Variants in PTCD2 observed in about 807,000 individuals in gnomAD.
PTCD2 encodes the protein pentatricopeptide repeat domain 2.
A neutral mutation model predicts 42.6 loss-of-function variants in PTCD2; 31 were observed. That is an observed-to-expected ratio of 0.73 (90% CI 0.55 to 0.98). PTCD2 has a LOEUF of 0.98. Ranked by LOEUF, PTCD2 falls within the 50% of genes least tolerant of loss-of-function variation. PTCD2 has a pLI of 0.00. For missense variants in PTCD2, 476 were observed against 454.8 expected, an observed-to-expected ratio of 1.05 and a Z score of -0.42; for synonymous variants, 183 against 170.9, an observed-to-expected ratio of 1.07 and a Z score of -0.55.
chr5:72,320,669 A>G, intron 1 of PTCD2, 160 bp downstream of exon 1: 2 of 954,926 alleles, frequency 2.1e-6, no homozygotes, highest in Non-Finnish European at 3.1e-6. Flanking sequence ...AGTGGTGACC[A>G]CTGGGGGTCG....
rs913081680 is a variant in PTCD2, at chr5:72,324,334, G to T, written c.220+2070G>T. Among the ~76,000 whole-genome samples the T allele has an allele frequency of 8.5e-5, 13 of 152,144 alleles. No individual in the cohort carries two copies. The East Asian group carries it at 2.1e-3, about 25-fold the overall frequency. On this transcript the variant is annotated intron_variant, in intron 2 of 9. Coordinates refer to ENST00000380639, the MANE Select transcript of PTCD2 (RefSeq NM_024754.5). ...TTTCATCATTTTGAGAGCCCACAGT[G>T]GTACTCTGTTGTATACCACACTATT... is the stretch of plus-strand genomic sequence containing the variant.
chr5:72,350,001 C>T (rs1266511737), intron 8 of PTCD2, among the ~76,000 whole-genome samples: 1 of 152,098 alleles, frequency 6.6e-6, no homozygotes, highest in Non-Finnish European at 1.5e-5. Context: ...TAGCAGAGGG[C>T]TCTAGATGGT....
In PTCD2 at chr5:72,359,279, A is replaced by G. The variant is rs1174740857; in HGVS notation, c.*852A>G. On this transcript the variant is annotated 3_prime_UTR_variant, in exon 10 of 10. Transcript: ENST00000380639. ...TTCTCTCTTGAATGCCTCATATTAA[A>G]AAAAAATGTGCCATGAGAGCAGTTC... 1 of 152,194 alleles carries G rather than the reference A, an allele frequency of 6.6e-6. No individual in the cohort carries two copies. Among genetic ancestry groups the G allele is most frequent in the Non-Finnish European group, 1.5e-5 (1 of 68,034 alleles). The allele number at this position is 152,194 out of a possible 1,614,324, so 9.4% of individuals were successfully genotyped here.
At chr5:72,326,057 T>C (rs1158144738) in intron 2 of PTCD2, among the ~76,000 whole-genome samples, 1 of 152,164 alleles carries the variant, frequency 6.6e-6, no homozygotes, top group African/African-American at 2.4e-5. Context: ...TTCTAACAGC[T>C]GAGTAAAAAG....
chr5:72,331,476 A>G, intron 4 of PTCD2, 101 bp downstream of exon 4: 1 of 877,742 alleles, frequency 1.1e-6, no homozygotes, highest in South Asian at 1.4e-5. Context: ...TAGATTTTCA[A>G]AGAAAGGCTG....
intron 8 of PTCD2, among the ~76,000 whole-genome samples, chr5:72,352,130 C>G (rs932012577): frequency 1.3e-5 from 2 of 152,032 alleles, no homozygotes; most frequent in African/African-American, 2.4e-5. Context: ...TACCCGTAAA[C>G]AAGTTTTGAA....
chr5:72,350,403 G>A (rs149203152), intron 8 of PTCD2, among the ~76,000 whole-genome samples: 8 of 152,292 alleles, frequency 5.3e-5, no homozygotes, highest in African/African-American at 1.7e-4. Context: ...TGCACACATA[G>A]GAAGTTGCTT....
chr5:72,358,055 G>A (rs766649235), intron 9 of PTCD2, 148 bp from the exon 10 acceptor site: 105 of 676,808 alleles, frequency 1.6e-4, no homozygotes, highest in African/African-American at 7.4e-4. Context: ...CTGTCTCAGC[G>A]TCCAAAATTG....
chr5:72,336,925 TAGA>T (rs1296693077), intron 6 of PTCD2, among the ~76,000 whole-genome samples: 1 of 151,964 alleles, frequency 6.6e-6, no homozygotes, highest in East Asian at 1.9e-4. Context: ...TGAAGCGAAG[TAGA>T]AGAACATGGG....
Position 72,365,539 on chromosome 5 carries a change from T to A in PTCD2, c.*7112T>A, listed in dbSNP as rs1024384636. The A allele has an allele frequency of 6.6e-6, 1 of 152,242 alleles. No individual in the cohort carries two copies. Among genetic ancestry groups the A allele is most frequent in the African/African-American group, 2.4e-5 (1 of 41,458 alleles). 9.4% of individuals were successfully genotyped at this position (152,242 alleles called of 1,614,324 possible). ...CCGCAAGTGCAAGTCTCATTCCTGG[T>A]AACTAATAGTAACAGAATCTGCTGA... On this transcript the variant is annotated 3_prime_UTR_variant, in exon 10 of 10. Transcript: ENST00000380639.
At chr5:72,349,730 T>A (rs528137615) in intron 8 of PTCD2, among the ~76,000 whole-genome samples, 1 of 152,190 alleles carries the variant, frequency 6.6e-6, no homozygotes, top group African/African-American at 2.4e-5. Context: ...TCTGTAAGAT[T>A]AAGGCAATGT....
At position 72,358,528 on chromosome 5, in the gene PTCD2, A is replaced by G; in HGVS notation, c.*101A>G. On this transcript the variant is annotated 3_prime_UTR_variant, in exon 10 of 10. Coordinates refer to ENST00000380639, the MANE Select transcript of PTCD2 (RefSeq NM_024754.5). ...TCGCACTTCAGCAGACAGTGTGCTG[A>G]CACTTGGTCTTCTCCTGAAATTCCC... 1.2e-6 allele frequency: 1 copy of G among 810,630 alleles called. No individual in the cohort carries two copies. The highest frequency in any genetic ancestry group is 2.0e-6 in the Non-Finnish European group (1 of 496,060). 50.2% of individuals were successfully genotyped at this position (810,630 alleles called of 1,614,324 possible).
intron 9 of PTCD2, among the ~76,000 whole-genome samples, chr5:72,357,490 G>A (rs151223783): frequency 1.3e-5 from 2 of 152,196 alleles, no homozygotes; most frequent in Admixed American, 6.5e-5. Flanking sequence ...TTCATTCTCT[G>A]CAACTTTTTG....
In PTCD2 at chr5:72,360,002, A is replaced by G. The variant is rs1042381147; in HGVS notation, c.*1575A>G. On this transcript the variant is annotated 3_prime_UTR_variant, in exon 10 of 10. Coordinates refer to ENST00000380639, the MANE Select transcript of PTCD2 (RefSeq NM_024754.5). Reference sequence around the variant, plus strand: ...ATGAGATAGGGAATATAAAGCAAGCAGATAGTGGCTGGCACATAGTACATG... The same window carrying G: ...ATGAGATAGGGAATATAAAGCAAGCGGATAGTGGCTGGCACATAGTACATG... The G allele has an allele frequency of 2.0e-5, 3 of 152,084 alleles. No individual in the cohort carries two copies. Among genetic ancestry groups the G allele is most frequent in the Admixed American group, 1.3e-4 (2 of 15,260 alleles). The allele number at this position is 152,084 out of a possible 1,614,324, so 9.4% of individuals were successfully genotyped here. A position where few individuals can be genotyped will look rare whatever the true frequency, so the allele number is the denominator to read the frequency against.
chr5:72,365,028 GCCTCAGAGGCAGCATT>G lies in PTCD2; in HGVS notation c.*6602_*6617del. Reference sequence around the variant, plus strand: ...TTGCCCAGCTGACTTTCTTCCAAGGGCCTCAGAGGCAGCATTACCACAGGCATTAAAGATGGGGATG... The same window carrying G: ...TTGCCCAGCTGACTTTCTTCCAAGGGACCACAGGCATTAAAGATGGGGATG... On this transcript the variant is annotated 3_prime_UTR_variant, in exon 10 of 10. Transcript: ENST00000380639. 6.6e-6 allele frequency: 1 copy of G among 152,384 alleles called. No homozygotes were observed. Among genetic ancestry groups the G allele is most frequent in the East Asian group, 1.9e-4 (1 of 5,192 alleles). 9.4% of individuals were successfully genotyped at this position (152,384 alleles called of 1,614,324 possible). A position where few individuals can be genotyped will look rare whatever the true frequency, so the allele number is the denominator to read the frequency against.
At chr5:72,349,619 A>G (rs1343550794) in intron 8 of PTCD2, among the ~76,000 whole-genome samples, 1 of 152,178 alleles carries the variant, frequency 6.6e-6, no homozygotes. Context: ...GATGCCTCAG[A>G]AAATCAAAGA....
At chr5:72,347,946 A>G (rs552940614) in intron 8 of PTCD2, among the ~76,000 whole-genome samples, 1 of 152,194 alleles carries the variant, frequency 6.6e-6, no homozygotes, top group Non-Finnish European at 1.5e-5. Context: ...AGGACTCCAT[A>G]AGTAACTTTG....
At position 72,364,289 on chromosome 5, in the gene PTCD2, C is replaced by G. The variant is rs1442852057; in HGVS notation, c.*5862C>G. ...TGGAGCTTGCATTCTGCAAGAGCAA[C>G]AGACATCAAAAAGATAACTGGGCAA... On this transcript the variant is annotated 3_prime_UTR_variant, in exon 10 of 10. Coordinates refer to ENST00000380639, the MANE Select transcript of PTCD2 (RefSeq NM_024754.5). 1 of 152,192 alleles carries G rather than the reference C, an allele frequency of 6.6e-6. No homozygotes were observed. Among genetic ancestry groups the G allele is most frequent in the Non-Finnish European group, 1.5e-5 (1 of 68,028 alleles). The allele number at this position is 152,192 out of a possible 1,614,324, so 9.4% of individuals were successfully genotyped here.
At chr5:72,340,948 A>G (rs758743148) in intron 7 of PTCD2, among the ~76,000 whole-genome samples, 10 of 142,654 alleles carry the variant, frequency 7.0e-5, no homozygotes, top group Non-Finnish European at 1.2e-4. Context: ...TTCATCGGCC[A>G]GTTATTTTCT....
Sources: gnomAD v4.1 joint callset for allele counts (sites outside exome capture counted in the v4.1 genomes callset) on GRCh38, gnomAD v4.1.1 for gene constraint, MANE v1.5 for transcripts, NCBI Gene and HGNC (gene_info 2026-07-23, HGNC 2026-07-21) for gene names.